LYPD1: variants seen among roughly 807,000 people sequenced by gnomAD.
The protein encoded by LYPD1 is LY6/PLAUR domain containing 1, also known as ly6/PLAUR domain-containing protein 1.
LYPD1 carries 14 observed loss-of-function variants against 14.2 expected under a neutral mutation model. The ratio of observed to expected loss-of-function variants is 0.99; its 90% CI spans 0.65 to 1.54. LYPD1 has a LOEUF of 1.54. Ranked by LOEUF, LYPD1 falls within the 40% of genes most tolerant of loss-of-function variation. The probability of loss-of-function intolerance (pLI) is 0.00; values close to 1 mark genes in which losing one functional copy is unlikely to be tolerated. For missense variants in LYPD1, 165 were observed against 175.7 expected (o/e 0.94, Z 0.34); for synonymous variants, 85 against 70.6 (o/e 1.20, Z -1.02).
rs114202235 is a variant in LYPD1 at position 132,643,338 on chromosome 2, A to C, written c.*2707T>G. On this transcript the variant is annotated 3_prime_UTR_variant, in exon 3 of 3. Coordinates refer to ENST00000397463, the MANE Select transcript of LYPD1 (RefSeq NM_144586.7). ...TTTAGGCTGGGAGTTGACAGGAGAA[A>C]CCTGTGGAAATTAACAAAGGAGAAG... Among the ~76,000 whole-genome samples the C allele has an allele frequency of 9.1e-3, 1,385 of 152,314 alleles. 19 individuals carry two copies. Among genetic ancestry groups the C allele is most frequent in the African/African-American group, 0.03 (1,255 of 41,566 alleles).
intron 2 of LYPD1, among the ~76,000 whole-genome samples, chr2:132,647,523 G>A (rs1030550832): frequency 3.3e-5 from 5 of 152,272 alleles, no homozygotes; most frequent in Middle Eastern, 3.4e-3. Context: ...AGTAGAGATG[G>A]GGTTTCACCG....
chr2:132,664,021 A>G (rs1683119541), intron 2 of LYPD1, among the ~76,000 whole-genome samples: 1 of 152,156 alleles, frequency 6.6e-6, no homozygotes, highest in South Asian at 2.1e-4. Context: ...ATGGAAAAGT[A>G]TATCCACACA....
chr2:132,665,431 A>G (rs1683211532), intron 2 of LYPD1, among the ~76,000 whole-genome samples: 1 of 152,190 alleles, frequency 6.6e-6, no homozygotes, highest in Non-Finnish European at 1.5e-5. Context: ...TGCTTCCCAG[A>G]TTCTTTTGAC....
chr2:132,652,360 G>A (rs1036504644), intron 2 of LYPD1, among the ~76,000 whole-genome samples: 3 of 152,120 alleles, frequency 2.0e-5, no homozygotes, highest in African/African-American at 7.2e-5. Flanking sequence ...TTTGAAGGGG[G>A]TCTGGAAGTG....
Position 132,646,024 on chromosome 2 carries a change from G to A in LYPD1, c.*21C>T. 10 of 1,502,534 alleles carry A rather than the reference G, an allele frequency of 6.7e-6. No individual in the cohort carries two copies. Among genetic ancestry groups the A allele is most frequent in the Non-Finnish European group, 9.0e-6 (10 of 1,114,592 alleles). The allele number at this position is 1,502,534 out of a possible 1,614,324, so 93.1% of individuals were successfully genotyped here. A position where few individuals can be genotyped will look rare whatever the true frequency, so the allele number is the denominator to read the frequency against. ...GAGGGCTGGAAGAACAATGCAGGAGGGGGTGGCATCTCCTTCAGCTTCAGC... is the reference window on the plus strand; with the variant it reads ...GAGGGCTGGAAGAACAATGCAGGAGAGGGTGGCATCTCCTTCAGCTTCAGC... On this transcript the variant is annotated 3_prime_UTR_variant, in exon 3 of 3. Transcript: ENST00000397463.
intron 1 of LYPD1, 123 bp from the exon 2 acceptor site, chr2:132,668,660 G>A (rs1011190195): frequency 2.2e-6 from 3 of 1,374,010 alleles, no homozygotes; most frequent in Admixed American, 2.9e-5. Context: ...ACCACTCCTG[G>A]GTCTCCGGGT....
chr2:132,656,859 C>T (rs1682623970), intron 2 of LYPD1, among the ~76,000 whole-genome samples: 1 of 152,176 alleles, frequency 6.6e-6, no homozygotes. Context: ...GTGCCAAGTT[C>T]CACACTGCAT....
At chr2:132,664,637 TAGG>T (rs1430955465) in intron 2 of LYPD1, among the ~76,000 whole-genome samples, 1 of 152,252 alleles carries the variant, frequency 6.6e-6, no homozygotes, top group African/African-American at 2.4e-5. Context: ...AAATAAGGTT[TAGG>T]AGAACCTGTA....
intron 2 of LYPD1, among the ~76,000 whole-genome samples, chr2:132,651,317 T>G (rs1482767588): frequency 1.3e-5 from 2 of 152,142 alleles, no homozygotes; most frequent in Non-Finnish European, 2.9e-5. Flanking sequence ...ATGACCACTC[T>G]CAAGAAAAGA....
Position 132,668,408 on chromosome 2 carries a change from T to A in LYPD1, c.182A>T (p.Gln61Leu). The part of the protein sequence containing the change: ...QDMCQKEVME[Q>L]SAGIMYRKSC... ...GGCTGCCAGGCTCTTACCGGCACTT[T>A]GCTCCATCACTTCTTTCTGACACAT... Residue 61 changes from glutamine to leucine, a missense_variant, in exon 2 of 3, where the codon CAA becomes CTA. Physicochemically the swap from Gln to Leu is moderately radical, Grantham distance 113 (BLOSUM62 -2). Transcript: ENST00000397463. The A allele has an allele frequency of 6.2e-7, 1 of 1,604,584 alleles. No homozygotes were observed. The highest frequency in any genetic ancestry group is 8.5e-7 in the Non-Finnish European group (1 of 1,175,464).
intron 2 of LYPD1, chr2:132,666,833 C>A (rs1683297670): frequency 6.6e-6 from 1 of 152,166 alleles, no homozygotes; most frequent in Admixed American, 6.5e-5. Flanking sequence ...CAACCATATC[C>A]CAGGTGATAA....
intron 2 of LYPD1, among the ~76,000 whole-genome samples, chr2:132,646,953 CA>C (rs984577299): frequency 6.6e-6 from 1 of 151,468 alleles, no homozygotes; most frequent in East Asian, 1.9e-4. Context: ...ACACTGGGTG[CA>C]AAAAAAAGCT....
chr2:132,643,820 C>T lies in LYPD1; in HGVS notation c.*2225G>A, dbSNP rs554407208. On this transcript the variant is annotated 3_prime_UTR_variant, in exon 3 of 3. Coordinates refer to ENST00000397463, the MANE Select transcript of LYPD1 (RefSeq NM_144586.7). ...CAGGCATGCGCCACCATGTCTGGCC[C>T]CCATTTATTAATAGAATATTTACCA... is the stretch of plus-strand genomic sequence containing the variant. Among the ~76,000 whole-genome samples, 2 of 152,266 alleles carry T rather than the reference C, an allele frequency of 1.3e-5. No individual in the cohort carries two copies. Among genetic ancestry groups the T allele is most frequent in the African/African-American group, 2.4e-5 (1 of 41,552 alleles).
intron 2 of LYPD1, among the ~76,000 whole-genome samples, chr2:132,662,628 GTC>G (rs565951586): frequency 1.6e-4 from 25 of 152,164 alleles, no homozygotes; most frequent in Admixed American, 3.9e-4. Flanking sequence ...AGGGTACACT[GTC>G]TCTCTCAAAG....
intron 2 of LYPD1, among the ~76,000 whole-genome samples, chr2:132,655,957 C>A (rs1682572183): frequency 6.6e-6 from 1 of 152,150 alleles, no homozygotes; most frequent in African/African-American, 2.4e-5. Flanking sequence ...CTGTCACCCC[C>A]CTCCACTCCC....
Position 132,643,769 on chromosome 2 carries a change from C to T in LYPD1, c.*2276G>A, listed in dbSNP as rs567349596. On this transcript the variant is annotated 3_prime_UTR_variant, in exon 3 of 3. Coordinates refer to ENST00000397463, the MANE Select transcript of LYPD1 (RefSeq NM_144586.7). ...TTCTAGGCTTAAGTGATCCTTCTGC[C>T]TTGGCCTCCCAGAGTATTGAGATAT... is the stretch of plus-strand genomic sequence containing the variant. Among the ~76,000 whole-genome samples the T allele has an allele frequency of 9.8e-5, 15 of 152,294 alleles. No homozygotes were observed. Among genetic ancestry groups the T allele is most frequent in the African/African-American group, 3.4e-4 (14 of 41,556 alleles).
rs1682049920 is a variant in LYPD1 at position 132,645,990 on chromosome 2, G to A, written c.*55C>T. ...AGAAACTCACTCAGGGAGGTGGGGG[G>A]TTGGGGGCGAGGGCTGGAAGAACAA... On this transcript the variant is annotated 3_prime_UTR_variant, in exon 3 of 3. Transcript: ENST00000397463. 8 of 1,360,712 alleles carry A rather than the reference G, an allele frequency of 5.9e-6. No individual in the cohort carries two copies. Among genetic ancestry groups the A allele is most frequent in the Non-Finnish European group, 8.0e-6 (8 of 1,005,086 alleles). The allele number at this position is 1,360,712 out of a possible 1,614,324, so 84.3% of individuals were successfully genotyped here. A position where few individuals can be genotyped will look rare whatever the true frequency, so the allele number is the denominator to read the frequency against.
chr2:132,648,438 C>T (rs1017326045), intron 2 of LYPD1, among the ~76,000 whole-genome samples: 16 of 152,180 alleles, frequency 1.1e-4, no homozygotes, highest in Non-Finnish European at 5.9e-5. Flanking sequence ...TGTACATTTA[C>T]ATATATGCCC....
At chr2:132,648,557 C>T (rs905494808) in intron 2 of LYPD1, among the ~76,000 whole-genome samples, 21 of 152,154 alleles carry the variant, frequency 1.4e-4, no homozygotes, top group Admixed American at 7.9e-4. Flanking sequence ...ATTTTTAAGG[C>T]GAACTTTGCA....
Sources: gnomAD v4.1 joint callset for allele counts (sites outside exome capture counted in the v4.1 genomes callset) on GRCh38, gnomAD v4.1.1 for gene constraint, MANE v1.5 for transcripts, NCBI Gene and HGNC (gene_info 2026-07-23, HGNC 2026-07-21) for gene names.